ELFN1: variants seen among roughly 807,000 people sequenced by gnomAD.
The protein encoded by ELFN1 is protein ELFN1.
ELFN1 carries 6 observed loss-of-function variants against 7.6 expected under a neutral mutation model. The ratio of observed to expected loss-of-function variants is 0.79; its 90% CI spans 0.43 to 1.56. The LOEUF (loss-of-function observed/expected upper bound fraction) is 1.56. Ranked by LOEUF, ELFN1 falls within the 40% of genes most tolerant of loss-of-function variation. The pLI, the probability that ELFN1 is intolerant of heterozygous loss-of-function variation, is 0.01. For synonymous variants in ELFN1, 657 were observed against 588.1 expected, an observed-to-expected ratio of 1.12 and a Z score of -1.70; for missense variants, 1,169 against 1,232.2, an observed-to-expected ratio of 0.95 and a Z score of 0.77.
At position 1,740,725 on chromosome 7, in the gene ELFN1, G is replaced by A. The variant is rs865953685; in HGVS notation, c.-293-3579G>A. 2.0e-5 allele frequency among the ~76,000 whole-genome samples: 3 copies of A among 151,732 alleles called. No individual in the cohort carries two copies. Among genetic ancestry groups the A allele is most frequent in the Non-Finnish European group, 4.4e-5 (3 of 67,970 alleles). ...AGCACCTGTCCAGCCTCTCCCCCCC[G>A]GCCCCTGACAGGAGGCTGCACAGGG... On this transcript the variant is annotated intron_variant, in intron 3 of 3. Transcript: ENST00000424383. This position sits in a 1 kb window ranked among gnomAD's most constrained non-coding sequence, Gnocchi z 5.0.
chr7:1,722,864 G>C (rs183251249), intron 3 of ELFN1, among the ~76,000 whole-genome samples: 2,941 of 152,204 alleles, frequency 0.019, 50 homozygotes, highest in Admixed American at 0.026. Flanking sequence ...TGCAATGAAA[G>C]CTTCCCCTTC....
intron 3 of ELFN1, among the ~76,000 whole-genome samples, chr7:1,732,239 AGG>A (rs1160041536): frequency 6.6e-6 from 1 of 152,144 alleles, no homozygotes; most frequent in East Asian, 1.9e-4. Context: ...GGGTGCTGGG[AGG>A]GGTTCACGTC....
upstream of ELFN1, among the ~76,000 whole-genome samples, chr7:1,669,917 G>A (rs1778729276): frequency 6.7e-6 from 1 of 149,106 alleles, no homozygotes; most frequent in Non-Finnish European, 1.5e-5. Flanking sequence ...GGGGAGGGCC[G>A]GGGACGGACC....
At chr7:1,671,802 G>A (rs1037199588) in intron 1 of ELFN1, among the ~76,000 whole-genome samples, 10 of 152,202 alleles carry the variant, frequency 6.6e-5, no homozygotes, top group South Asian at 2.1e-4. Context: ...CCAGGTTTGC[G>A]CCCCACTCCA....
At chr7:1,743,984 T>A (rs1042513560) in intron 3 of ELFN1, among the ~76,000 whole-genome samples, 17 of 152,188 alleles carry the variant, frequency 1.1e-4, no homozygotes, top group Admixed American at 4.6e-4. Flanking sequence ...GATTCTGGGC[T>A]GTCAGTACCT....
At chr7:1,699,431 A>G (rs1307016999) in intron 2 of ELFN1, among the ~76,000 whole-genome samples, 2 of 152,092 alleles carry the variant, frequency 1.3e-5, no homozygotes, top group Non-Finnish European at 2.9e-5. Context: ...TGAGCCCGGG[A>G]GTTTGAAACA....
rs1365017441 is a variant in ELFN1, at chr7:1,745,203, C to A, written c.607C>A (p.Arg203Ser). 7.8e-6 allele frequency: 12 copies of A among 1,544,602 alleles called. No homozygotes were observed. In the Admixed American group the frequency reaches 2.0e-4, roughly 25 times the overall value. The change falls in exon 4 of 4, where the codon CGC becomes AGC. Residue 203 changes from arginine to serine, a missense_variant. By Grantham distance (110) the Arg-to-Ser change is moderately radical. This residue lies in a region of ELFN1 where 255 missense variants were observed against 359.6 expected (regional missense o/e 0.71). Coordinates refer to ENST00000424383, the MANE Select transcript of ELFN1 (RefSeq NM_001128636.4). The stretch of plus-strand genomic sequence containing the variant: ...CTCCTGCGAGCTGCTGGGCTTCCTG[C>A]GCTGGCTGGCCGCCTTCACCAACGC... ...YCSCELLGFL[R>S]WLAAFTNATQ... is the part of the protein sequence containing the mutation.
At chr7:1,713,362 C>T (rs1309706872) in intron 3 of ELFN1, among the ~76,000 whole-genome samples, 1 of 152,202 alleles carries the variant, frequency 6.6e-6, no homozygotes, top group African/African-American at 2.4e-5. Flanking sequence ...GTGGAGGCAG[C>T]CGCTCCGCTG....
intron 3 of ELFN1, among the ~76,000 whole-genome samples, chr7:1,732,851 A>G (rs1257640429): frequency 6.6e-6 from 1 of 152,118 alleles, no homozygotes; most frequent in Non-Finnish European, 1.5e-5. Flanking sequence ...GGCGCTGAAC[A>G]AGCTTCGGGG....
chr7:1,675,969 CG>C (rs1778862575), intron 1 of ELFN1, among the ~76,000 whole-genome samples: 1 of 152,092 alleles, frequency 6.6e-6, no homozygotes. Context: ...GTCTCCTGGG[CG>C]TGGACTCTGG....
chr7:1,669,628 G>C (rs928660533), upstream of ELFN1, among the ~76,000 whole-genome samples: 1 of 152,214 alleles, frequency 6.6e-6, no homozygotes, highest in African/African-American at 2.4e-5. Context: ...AAACTGAGCC[G>C]AAGAGTGCTC....
intron 3 of ELFN1, among the ~76,000 whole-genome samples, chr7:1,715,174 G>A (rs1202441353): frequency 6.6e-6 from 1 of 152,214 alleles, no homozygotes; most frequent in Non-Finnish European, 1.5e-5. Flanking sequence ...AGTCACTGCT[G>A]CCTTTGGGTT....
chr7:1,683,186 T>G (rs1779006112), intron 1 of ELFN1, among the ~76,000 whole-genome samples: 1 of 152,038 alleles, frequency 6.6e-6, no homozygotes, highest in Non-Finnish European at 1.5e-5. Context: ...TTTTTTTTTT[T>G]GAATGAGTTT....
At chr7:1,736,281 C>A (rs147237542) in intron 3 of ELFN1, among the ~76,000 whole-genome samples, 1 of 152,174 alleles carries the variant, frequency 6.6e-6, no homozygotes, top group Admixed American at 6.5e-5. Context: ...CTCCCCCACA[C>A]GTCTGGCCCT....
At chr7:1,738,402 T>C (rs981491655) in intron 3 of ELFN1, among the ~76,000 whole-genome samples, 1 of 152,262 alleles carries the variant, frequency 6.6e-6, no homozygotes, top group African/African-American at 2.4e-5. Flanking sequence ...ATGTCATATC[T>C]TTCCTGAGGG....
rs1324731996 is a variant in ELFN1 at position 1,693,590 on chromosome 7, G to A, written c.-456+5440G>A. The A allele has an allele frequency of 5.3e-5, 25 of 471,078 alleles. 1 individual carries two copies. Among genetic ancestry groups the A allele is most frequent in the Non-Finnish European group, 1.0e-4 (23 of 227,062 alleles). The allele number at this position is 471,078 out of a possible 1,614,324, so 29.2% of individuals were successfully genotyped here. A position where few individuals can be genotyped will look rare whatever the true frequency, so the allele number is the denominator to read the frequency against. ...GCTGGGTGTGTGCACATCTGCAGAG[G>A]GGTCGGTGTACACCGCTGTGTGAAC... is the stretch of plus-strand genomic sequence containing the variant. On this transcript the variant is annotated intron_variant, in intron 2 of 3. Coordinates refer to ENST00000424383, the MANE Select transcript of ELFN1 (RefSeq NM_001128636.4).
chr7:1,713,587 G>A (rs1376000830), intron 3 of ELFN1, among the ~76,000 whole-genome samples: 1 of 152,182 alleles, frequency 6.6e-6, no homozygotes, highest in Non-Finnish European at 1.5e-5. Flanking sequence ...GTGACCCTGG[G>A]TGACCTTGGC....
intron 3 of ELFN1, among the ~76,000 whole-genome samples, chr7:1,725,929 C>T (rs551318930): frequency 7.3e-4 from 110 of 151,202 alleles, no homozygotes; most frequent in African/African-American, 2.5e-3. Flanking sequence ...AACACACCCT[C>T]GCACTCACAA....
intron 1 of ELFN1, among the ~76,000 whole-genome samples, chr7:1,677,828 G>C (rs1205586813): frequency 6.6e-6 from 1 of 152,030 alleles, no homozygotes; most frequent in Non-Finnish European, 1.5e-5. Flanking sequence ...TGAGATGCAG[G>C]GAGCGTGTGG....
Sources: allele counts gnomAD v4.1 joint callset (sites outside exome capture counted in the v4.1 genomes callset), GRCh38; gene constraint gnomAD v4.1.1; regional missense constraint gnomAD v4.1.1; non-coding constraint Gnocchi (gnomAD v3.1); transcripts MANE v1.5; gene names NCBI Gene and HGNC (gene_info 2026-07-23, HGNC 2026-07-21).